NCEH1: variants seen among roughly 807,000 people sequenced by gnomAD.
NCEH1 encodes the protein neutral cholesterol ester hydrolase 1, also known as 2-acetyl MAGE hydrolase.
NCEH1 carries 9 observed loss-of-function variants against 25.4 expected under a neutral mutation model. The observed-to-expected ratio is 0.35, with a 90% confidence interval of 0.21 to 0.62. NCEH1 has a LOEUF of 0.62. Ranked by LOEUF, NCEH1 falls within the 20% of genes least tolerant of loss-of-function variation. The pLI, the probability that NCEH1 is intolerant of heterozygous loss-of-function variation, is 0.72. For synonymous variants in NCEH1, 200 were observed against 199.8 expected, an observed-to-expected ratio of 1.00 and a Z score of -0.01; for missense variants, 412 against 501.1, an observed-to-expected ratio of 0.82 and a Z score of 1.70.
intron 1 of NCEH1, among the ~76,000 whole-genome samples, chr3:172,692,608 ACTTGC>A (rs1231567045): frequency 1.3e-5 from 2 of 151,862 alleles, no homozygotes; most frequent in Non-Finnish European, 1.5e-5. Context: ...CAAGTGACCC[ACTTGC>A]CTCAGCCTCC....
intron 1 of NCEH1, among the ~76,000 whole-genome samples, chr3:172,690,244 A>G (rs1160820282): frequency 6.6e-6 from 1 of 152,178 alleles, no homozygotes; most frequent in Non-Finnish European, 1.5e-5. Flanking sequence ...AATACAGAGT[A>G]TGAACGCAGG....
At chr3:172,704,775 C>T (rs76359349) in intron 1 of NCEH1, among the ~76,000 whole-genome samples, 45 of 152,348 alleles carry the variant, frequency 3.0e-4, no homozygotes, top group Non-Finnish European at 5.0e-4. Flanking sequence ...GAAGCCAAAG[C>T]GGGAGGATCA....
intron 1 of NCEH1, among the ~76,000 whole-genome samples, chr3:172,676,886 T>G (rs886257755): frequency 3.3e-5 from 5 of 152,042 alleles, no homozygotes; most frequent in African/African-American, 1.2e-4. Flanking sequence ...ACATCTCTGT[T>G]ACCTCCCACA....
intron 1 of NCEH1, among the ~76,000 whole-genome samples, chr3:172,674,377 A>G (rs1418297949): frequency 1.5e-5 from 2 of 136,890 alleles, no homozygotes; most frequent in Admixed American, 1.6e-4. Context: ...CGGGAGGCGG[A>G]GGTTGCAGTG....
intron 1 of NCEH1, among the ~76,000 whole-genome samples, chr3:172,669,156 T>G (rs1333697653): frequency 1.3e-5 from 2 of 152,184 alleles, no homozygotes; most frequent in African/African-American, 2.4e-5. Flanking sequence ...ACACCAACGT[T>G]TTGATTCAAC....
intron 1 of NCEH1, among the ~76,000 whole-genome samples, chr3:172,707,040 C>CA (rs1326577338): frequency 6.6e-6 from 1 of 151,858 alleles, no homozygotes; most frequent in Non-Finnish European, 1.5e-5. Context: ...ATTACGGGGT[C>CA]AAAAAATAAA....
Position 172,710,934 on chromosome 3 carries a change from A to G in NCEH1, c.51T>C (p.Tyr17=), listed in dbSNP as rs761392975. Residue 17 remains tyrosine (Y), a synonymous_variant, in exon 1 of 5, where the codon TAT becomes TAC. Transcript: ENST00000475381. Reference sequence around the variant, plus strand: ...AGCCAGGCAGCGGGATGTAGACGTAATAGGCGGCCAGCGCCACCAGGGCGG... The same window carrying G: ...AGCCAGGCAGCGGGATGTAGACGTAGTAGGCGGCCAGCGCCACCAGGGCGG... ...LLTALVALAA[Y]YVYIPLPGSV... 14 of 1,614,046 alleles carry G rather than the reference A, an allele frequency of 8.7e-6. No homozygotes were observed. Among genetic ancestry groups the G allele is most frequent in the South Asian group, 3.3e-5 (3 of 91,090 alleles).
intron 1 of NCEH1, among the ~76,000 whole-genome samples, chr3:172,689,955 G>A (rs1712940336): frequency 6.7e-6 from 1 of 149,170 alleles, no homozygotes; most frequent in African/African-American, 2.5e-5. Flanking sequence ...CCAGGCTGGA[G>A]TGCAGTGGCA....
intron 1 of NCEH1, among the ~76,000 whole-genome samples, chr3:172,671,524 C>G (rs1334139180): frequency 6.7e-6 from 1 of 148,572 alleles, no homozygotes. Context: ...CACACACACA[C>G]ACACATATAT....
chr3:172,649,244 A>G (rs929606883), intron 1 of NCEH1, among the ~76,000 whole-genome samples: 2 of 152,040 alleles, frequency 1.3e-5, no homozygotes, highest in Non-Finnish European at 2.9e-5. Context: ...ACATATATAT[A>G]TATACACACA....
At chr3:172,666,032 T>C (rs569071198) in intron 1 of NCEH1, among the ~76,000 whole-genome samples, 2 of 152,284 alleles carry the variant, frequency 1.3e-5, no homozygotes, top group South Asian at 2.1e-4. Flanking sequence ...AGTGCCTCAG[T>C]TGGAAATGCA....
chr3:172,705,089 G>A (rs1250484447), intron 1 of NCEH1, among the ~76,000 whole-genome samples: 1 of 152,146 alleles, frequency 6.6e-6, no homozygotes, highest in Non-Finnish European at 1.5e-5. Flanking sequence ...AATATATATT[G>A]ATATGCATAT....
chr3:172,684,868 C>A (rs887189134), intron 1 of NCEH1, among the ~76,000 whole-genome samples: 1 of 152,052 alleles, frequency 6.6e-6, no homozygotes, highest in Non-Finnish European at 1.5e-5. Flanking sequence ...GTAATCCCAG[C>A]TACTTGGGAG....
intron 1 of NCEH1, chr3:172,681,075 A>G (rs1712346615): frequency 1.3e-5 from 2 of 151,894 alleles, no homozygotes; most frequent in Non-Finnish European, 2.9e-5. Context: ...TAGAGGGGAT[A>G]TGCATGAACC....
At chr3:172,669,718 G>T (rs896650549) in intron 1 of NCEH1, among the ~76,000 whole-genome samples, 1 of 152,146 alleles carries the variant, frequency 6.6e-6, no homozygotes, top group Non-Finnish European at 1.5e-5. Flanking sequence ...TGTATTTTTA[G>T]TAGAGATGGG....
intron 4 of NCEH1, 70 bp downstream of exon 4, chr3:172,635,846 G>T: frequency 7.1e-7 from 1 of 1,415,874 alleles, no homozygotes. Flanking sequence ...ACATAATGGA[G>T]GGTGTGTTGG....
rs565478415 is a variant in NCEH1, at chr3:172,705,136, C to G, written c.138+5711G>C. ...CCACTTTAGAAATAGAAAAATTATC[C>G]CTGGGGGGAAAAGTTACTTTTTGTT... On this transcript the variant is annotated intron_variant, in intron 1 of 4. Transcript: ENST00000475381. Among the ~76,000 whole-genome samples the G allele has an allele frequency of 2.4e-3, 371 of 152,014 alleles. 2 individuals are homozygous for G. The highest frequency in any genetic ancestry group is 3.8e-3 in the Non-Finnish European group (259 of 67,974).
intron 1 of NCEH1, among the ~76,000 whole-genome samples, chr3:172,703,517 G>A (rs1442692045): frequency 1.8e-5 from 2 of 108,768 alleles, no homozygotes; most frequent in South Asian, 3.1e-4. Context: ...GACAGAGCAA[G>A]ACTCTGTCTC....
At chr3:172,709,242 T>C (rs1714171578) in intron 1 of NCEH1, among the ~76,000 whole-genome samples, 2 of 152,262 alleles carry the variant, frequency 1.3e-5, no homozygotes, top group Admixed American at 1.3e-4. Flanking sequence ...AAGACTTCTT[T>C]GGTGACCTGA....
Sources: gnomAD v4.1 joint callset for allele counts (sites outside exome capture counted in the v4.1 genomes callset) on GRCh38, gnomAD v4.1.1 for gene constraint, MANE v1.5 for transcripts, NCBI Gene and HGNC (gene_info 2026-07-23, HGNC 2026-07-21) for gene names.